CASD1: variants seen among roughly 807,000 people sequenced by gnomAD.
CASD1 encodes N-acetylneuraminate (7)9-O-acetyltransferase.
CASD1 carries 41 observed loss-of-function variants against 100.0 expected under a neutral mutation model. That is an observed-to-expected ratio of 0.41 (90% CI 0.32 to 0.53). CASD1 has a LOEUF of 0.53. Ranked by LOEUF, CASD1 falls within the 20% of genes least tolerant of loss-of-function variation. The pLI is 0.25. For synonymous variants in CASD1, 321 were observed against 315.6 expected (o/e 1.02, Z -0.18); for missense variants, 774 against 948.7 (o/e 0.82, Z 2.42).
the CASD1 span, among the ~76,000 whole-genome samples, chr7:94,595,402 G>A: frequency 5.3e-4 from 80 of 152,084 alleles, no homozygotes; most frequent in African/African-American, 3.1e-4. Context: ...GAATATTTCC[G>A]GTATCAATCT....
At chr7:94,632,890 C>A in the CASD1 span, among the ~76,000 whole-genome samples, 1 of 152,054 alleles carries the variant, frequency 6.6e-6, no homozygotes, top group African/African-American at 2.4e-5. Context: ...TCCACTCCAA[C>A]ACCTACAGAG....
the CASD1 span, among the ~76,000 whole-genome samples, chr7:94,615,973 A>G: frequency 6.6e-6 from 1 of 152,208 alleles, no homozygotes; most frequent in African/African-American, 2.4e-5. Flanking sequence ...TCAGTCTGGC[A>G]AGTGAAAATG....
chr7:94,544,488 CTTTTGGATAAAAGGAGA>C lies in CASD1; in HGVS notation c.1442_1458del (p.Ile481AsnfsTer3). 1 of 1,613,138 alleles carries C rather than the reference CTTTTGGATAAAAGGAGA, an allele frequency of 6.2e-7. No homozygotes were observed. Among genetic ancestry groups the C allele is most frequent in the Non-Finnish European group, 8.5e-7 (1 of 1,179,462 alleles). The stretch of plus-strand genomic sequence containing the variant: ...AGACAGGGTATGGGCATTTCTCATA[CTTTTGGATAAAAGGAGA>C]TTTTGGAATCTATAGAGTATGTCAG... On this transcript the variant is annotated frameshift_variant, in exon 11 of 18. Transcript: ENST00000297273. LOFTEE classifies it high-confidence loss of function.
At position 94,555,796 on chromosome 7, in the gene CASD1, AC is replaced by A; in HGVS notation, c.*40del. On this transcript the variant is annotated 3_prime_UTR_variant, in exon 18 of 18. Coordinates refer to ENST00000297273, the MANE Select transcript of CASD1 (RefSeq NM_022900.5). ...CTAAAAAACCTAAACTCTTCAGGCT[AC>A]CTTTGTGTGTCTCTAGAAGAGAAAA... 1 of 1,573,690 alleles carries A rather than the reference AC, an allele frequency of 6.4e-7. No homozygotes were observed. The highest frequency in any genetic ancestry group is 1.2e-5 in the South Asian group (1 of 85,526).
chr7:94,537,986 T>A, intron 9 of CASD1, 92 bp downstream of exon 9: 1 of 739,394 alleles, frequency 1.4e-6, no homozygotes, highest in Non-Finnish European at 2.2e-6. Flanking sequence ...CATGACAAAA[T>A]ACACAAACAG....
At chr7:94,576,408 T>A in the CASD1 span, among the ~76,000 whole-genome samples, 1 of 152,346 alleles carries the variant, frequency 6.6e-6, no homozygotes, top group South Asian at 2.1e-4. Flanking sequence ...AGTTTCTGTA[T>A]GCCCGAAGCC....
At chr7:94,540,409 T>G (rs1379814334) in intron 10 of CASD1, among the ~76,000 whole-genome samples, 4 of 152,154 alleles carry the variant, frequency 2.6e-5, no homozygotes, top group African/African-American at 9.7e-5. Context: ...CTAGTGTTTT[T>G]CAGATATCTC....
chr7:94,542,559 T>C (rs1439196625), intron 10 of CASD1, among the ~76,000 whole-genome samples: 8 of 152,196 alleles, frequency 5.3e-5, no homozygotes, highest in Admixed American at 4.6e-4. Context: ...AAATTACTTA[T>C]GGCTCACATT....
intron 1 of CASD1, among the ~76,000 whole-genome samples, chr7:94,516,948 G>A (rs1336022259): frequency 6.6e-6 from 1 of 151,362 alleles, no homozygotes; most frequent in East Asian, 1.9e-4. Context: ...CTGTCACCCA[G>A]GCTGGAGTGC....
chr7:94,608,438 G>A, the CASD1 span, among the ~76,000 whole-genome samples: 1 of 152,174 alleles, frequency 6.6e-6, no homozygotes, highest in Non-Finnish European at 1.5e-5. Context: ...TAAATAAATG[G>A]AGAGATATTC....
chr7:94,633,973 G>A, the CASD1 span, among the ~76,000 whole-genome samples: 1 of 152,020 alleles, frequency 6.6e-6, no homozygotes, highest in East Asian at 1.9e-4. Context: ...TGGCTATAAA[G>A]ATAAAATAAC....
At chr7:94,614,674 T>TTTATA in the CASD1 span, among the ~76,000 whole-genome samples, 1 of 152,140 alleles carries the variant, frequency 6.6e-6, no homozygotes, top group African/African-American at 2.4e-5. Flanking sequence ...CTTTTTCAGG[T>TTTATA]GTAGAAATGT....
At chr7:94,515,904 A>T (rs568951278) in intron 1 of CASD1, among the ~76,000 whole-genome samples, 2 of 152,290 alleles carry the variant, frequency 1.3e-5, no homozygotes, top group Admixed American at 1.3e-4. Flanking sequence ...TTTTCACCTT[A>T]ATTTTAAACA....
chr7:94,510,885 A>G (rs1584365214), intron 1 of CASD1, among the ~76,000 whole-genome samples: 1 of 152,368 alleles, frequency 6.6e-6, no homozygotes, highest in Middle Eastern at 3.4e-3. Context: ...TTACAAAGTT[A>G]AGGCACCAGA....
At chr7:94,569,225 G>A in the CASD1 span, among the ~76,000 whole-genome samples, 7 of 151,942 alleles carry the variant, frequency 4.6e-5, no homozygotes. Context: ...GGTGGAAAAG[G>A]GTATATAAAT....
the CASD1 span, among the ~76,000 whole-genome samples, chr7:94,563,689 G>A: frequency 0.086 from 10,834 of 126,094 alleles, 528 homozygotes; most frequent in South Asian, 0.19. Context: ...CCACGCCCCC[G>A]CTGAAAGCTG....
At chr7:94,577,304 C>T in the CASD1 span, among the ~76,000 whole-genome samples, 1 of 152,134 alleles carries the variant, frequency 6.6e-6, no homozygotes, top group Non-Finnish European at 1.5e-5. Flanking sequence ...ACTTCTGCTC[C>T]CCAAAGCGTT....
At chr7:94,607,704 T>C in the CASD1 span, among the ~76,000 whole-genome samples, 1 of 152,342 alleles carries the variant, frequency 6.6e-6, no homozygotes, top group Admixed American at 6.5e-5. Flanking sequence ...GAAGTTTTCC[T>C]ACTAGTATCA....
At chr7:94,624,162 C>CAAAAAAAAAA in the CASD1 span, 1 of 334,670 alleles carries the variant, frequency 3.0e-6, no homozygotes, top group Non-Finnish European at 5.2e-6. Flanking sequence ...TGCAGTACCT[C>CAAAAAAAAAA]AAAAAAAAAA....
Sources: allele counts gnomAD v4.1 joint callset (sites outside exome capture counted in the v4.1 genomes callset), GRCh38; gene constraint gnomAD v4.1.1; transcripts MANE v1.5; gene names NCBI Gene and HGNC (gene_info 2026-07-23, HGNC 2026-07-21).